Variants in IL1RAPL2 observed in about 807,000 individuals in gnomAD.
The protein encoded by IL1RAPL2 is X-linked interleukin-1 receptor accessory protein-like 2.
In IL1RAPL2, 3 loss-of-function variants were observed where a neutral mutation model predicts 44.1. That is an observed-to-expected ratio of 0.07 (90% CI 0.03 to 0.18). IL1RAPL2 has a LOEUF of 0.18. IL1RAPL2 is among the 10% of genes least tolerant of loss of function. IL1RAPL2 has a pLI of 1.00. For synonymous variants in IL1RAPL2, 181 were observed against 178.8 expected (o/e 1.01, Z -0.10); for missense variants, 391 against 496.4 (o/e 0.79, Z 2.02).
At chrX:105,473,198 G>T (rs924698785) in intron 5 of IL1RAPL2, among the ~76,000 whole-genome samples, 26 of 111,541 alleles carry the variant, frequency 2.3e-4, no homozygotes, top group Non-Finnish European at 5.7e-5. Context: ...AAATTAACCT[G>T]TCTGAACCTC....
chrX:105,715,556 C>T (rs1156270530), intron 6 of IL1RAPL2, among the ~76,000 whole-genome samples: 7 of 111,332 alleles, frequency 6.3e-5, no homozygotes, highest in African/African-American at 1.6e-4. Context: ...GGGAAATTCT[C>T]AGGCCTTAGT....
intron 2 of IL1RAPL2, among the ~76,000 whole-genome samples, chrX:104,728,427 G>T (rs182163684): frequency 2.7e-5 from 3 of 111,648 alleles, no homozygotes; most frequent in Non-Finnish European, 5.7e-5. Context: ...CCACTTACAG[G>T]TTACAAGTAT....
At chrX:104,576,197 G>C in intron 1 of IL1RAPL2, among the ~76,000 whole-genome samples, 1 of 111,389 alleles carries the variant, frequency 9.0e-6, no homozygotes, top group Non-Finnish European at 1.9e-5. Context: ...CACGAGTTCA[G>C]TAATTTGCCT....
At chrX:104,910,892 G>A (rs1025499006) in intron 2 of IL1RAPL2, among the ~76,000 whole-genome samples, 19 of 111,470 alleles carry the variant, frequency 1.7e-4, no homozygotes, top group Non-Finnish European at 3.2e-4. Flanking sequence ...ACCGTATCAT[G>A]AGGCTTATTG....
At chrX:105,004,030 C>G (rs779586753) in intron 2 of IL1RAPL2, among the ~76,000 whole-genome samples, 4 of 111,314 alleles carry the variant, frequency 3.6e-5, no homozygotes, top group Non-Finnish European at 7.6e-5. Flanking sequence ...AGGGAAAAAT[C>G]AGACATGTCA....
chrX:105,462,476 G>A (rs1163201736), intron 5 of IL1RAPL2, among the ~76,000 whole-genome samples: 1 of 110,918 alleles, frequency 9.0e-6, no homozygotes, highest in African/African-American at 3.3e-5. Context: ...TTGTGTTTTG[G>A]CCTTATTTAT....
intron 2 of IL1RAPL2, among the ~76,000 whole-genome samples, chrX:104,814,758 G>T (rs1484329095): frequency 8.9e-6 from 1 of 112,220 alleles, no homozygotes; most frequent in Non-Finnish European, 1.9e-5. Flanking sequence ...TTGTGTGGCA[G>T]TCTGCATTAT....
rs763632862 is a variant in IL1RAPL2, at chrX:105,751,253, C to T, written c.1192+2150C>T. On this transcript the variant is annotated intron_variant, in intron 9 of 10. Transcript: ENST00000372582. ...TCGCACCACTGCACTCTGGCCTGGG[C>T]GACAGAGTGAGACCCTGTATCTAAA... 8.2e-5 allele frequency among the ~76,000 whole-genome samples: 9 copies of T among 109,638 alleles called. No individual in the cohort carries two copies. In the South Asian group the frequency reaches 1.2e-3, roughly 15 times the overall value.
At chrX:104,806,505 C>G (rs139363972) in intron 2 of IL1RAPL2, among the ~76,000 whole-genome samples, 119 of 112,317 alleles carry the variant, frequency 1.1e-3, no homozygotes, top group African/African-American at 3.6e-3. Context: ...TTGCCCCATA[C>G]AGTAGACTGA....
chrX:104,720,500 C>A (rs1229834301), intron 2 of IL1RAPL2, among the ~76,000 whole-genome samples: 1 of 111,806 alleles, frequency 8.9e-6, no homozygotes, highest in Non-Finnish European at 1.9e-5. Flanking sequence ...AAGACATGCA[C>A]CTTCATAAAA....
In IL1RAPL2 at chrX:104,960,715, C is replaced by G. The variant is rs149333891; in HGVS notation, c.83-234760C>G. ...CTTCTCTTCACATTCCACCTTCCCC[C>G]TCCTCCCTCCAAGTATCTAATTATA... On this transcript the variant is annotated intron_variant, in intron 2 of 10. Transcript: ENST00000372582. 7.9e-3 allele frequency among the ~76,000 whole-genome samples: 878 copies of G among 110,691 alleles called. 33 individuals are homozygous for G. The highest frequency in any genetic ancestry group is 0.078 in the Admixed American group (802 of 10,291).
At chrX:104,849,340 A>G (rs1922157575) in intron 2 of IL1RAPL2, among the ~76,000 whole-genome samples, 1 of 102,871 alleles carries the variant, frequency 9.7e-6, no homozygotes, top group South Asian at 4.2e-4. Flanking sequence ...GTGAGCCACC[A>G]TGCTTGAACT....
intron 5 of IL1RAPL2, among the ~76,000 whole-genome samples, chrX:105,458,624 TTCAAAGCCCTCTATGGCCATC>T (rs1402664100): frequency 9.0e-6 from 1 of 111,555 alleles, no homozygotes; most frequent in Admixed American, 9.6e-5. Flanking sequence ...TTTAAAGCTT[TTCAAAGCCCTCTATGGCCATC>T]TCATTACCCA....
intron 1 of IL1RAPL2, among the ~76,000 whole-genome samples, chrX:104,573,225 T>A (rs1482018845): frequency 8.9e-6 from 1 of 112,297 alleles, no homozygotes; most frequent in Non-Finnish European, 1.9e-5. Context: ...GGGCACTGAT[T>A]TTTTTAAAAC....
intron 6 of IL1RAPL2, among the ~76,000 whole-genome samples, chrX:105,557,172 A>G (rs1324634643): frequency 1.8e-5 from 2 of 112,044 alleles, no homozygotes; most frequent in African/African-American, 6.5e-5. Context: ...CATCCTGCAG[A>G]TGTTATAACT....
intron 2 of IL1RAPL2, among the ~76,000 whole-genome samples, chrX:105,184,014 C>T (rs1022162739): frequency 6.3e-5 from 7 of 110,945 alleles, no homozygotes; most frequent in Non-Finnish European, 9.4e-5. Context: ...TGCCAGGTTC[C>T]AGGAAGATTC....
chrX:104,854,652 ATTT>A (rs371393922), intron 2 of IL1RAPL2, among the ~76,000 whole-genome samples: 1 of 100,991 alleles, frequency 9.9e-6, no homozygotes, highest in Non-Finnish European at 2.0e-5. Flanking sequence ...AAGAGAAAGA[ATTT>A]TTTTTTTTTT....
chrX:105,432,129 CTTT>C (rs386417369), intron 5 of IL1RAPL2, among the ~76,000 whole-genome samples: 22 of 44,839 alleles, frequency 4.9e-4, no homozygotes, highest in African/African-American at 1.6e-3. Flanking sequence ...TTCAATTTGC[CTTT>C]TTTTTTTTTT....
chrX:105,576,574 C>T (rs975793835), intron 6 of IL1RAPL2, among the ~76,000 whole-genome samples: 2 of 111,069 alleles, frequency 1.8e-5, no homozygotes, highest in Non-Finnish European at 3.8e-5. Context: ...GTATTCAGAA[C>T]GCTTTGCCCA....
Sources: allele counts gnomAD v4.1 joint callset (sites outside exome capture counted in the v4.1 genomes callset), GRCh38; gene constraint gnomAD v4.1.1; transcripts MANE v1.5; gene names NCBI Gene and HGNC (gene_info 2026-07-23, HGNC 2026-07-21).